The following KHDC4 variants were observed in gnomAD, a reference collection of about 807,000 sequenced individuals.
The protein encoded by KHDC4 is KH domain containing 4, pre-mRNA splicing factor.
KHDC4 carries 19 observed loss-of-function variants against 74.5 expected under a neutral mutation model. The observed-to-expected ratio is 0.26, with a 90% CI of 0.18 to 0.37. The LOEUF is 0.37. KHDC4 is among the 10% of genes least tolerant of loss of function. The probability of loss-of-function intolerance (pLI) is 1.00; values close to 1 mark genes in which losing one functional copy is unlikely to be tolerated. For missense variants in KHDC4, 632 were observed against 754.1 expected, an observed-to-expected ratio of 0.84 and a Z score of 1.90; for synonymous variants, 253 against 266.1, an observed-to-expected ratio of 0.95 and a Z score of 0.48.
At chr1:155,933,876 G>A (rs1674196279) in intron 1 of KHDC4, 27 bp from the exon 2 acceptor site, 4 of 1,481,856 alleles carry the variant, frequency 2.7e-6, no homozygotes, top group Non-Finnish European at 3.6e-6. Context: ...GAAAACATTA[G>A]GCCCCAAAGC....
intron 2 of KHDC4, chr1:155,932,173 T>A (rs930127658): frequency 1.3e-5 from 2 of 152,170 alleles, no homozygotes; most frequent in Non-Finnish European, 2.9e-5. Context: ...CAGGCTGGAG[T>A]GCAATGGCAA....
intron 13 of KHDC4, chr1:155,915,669 G>C: frequency 2.0e-6 from 1 of 493,114 alleles, no homozygotes; most frequent in African/African-American, 2.0e-5. Context: ...CACCATGCCC[G>C]CTAGTTTTTG....
chr1:155,913,222 C>T lies in KHDC4; in HGVS notation c.*899G>A, dbSNP rs1673666678. 6.5e-6 allele frequency: 1 copy of T among 152,716 alleles called. No homozygotes were observed. Among genetic ancestry groups the T allele is most frequent in the African/African-American group, 2.4e-5 (1 of 41,432 alleles). The allele number at this position is 152,716 out of a possible 1,614,324, so 9.5% of individuals were successfully genotyped here. On this transcript the variant is annotated 3_prime_UTR_variant, in exon 14 of 14. Coordinates refer to ENST00000368321, the MANE Select transcript of KHDC4 (RefSeq NM_014949.4). ...GACTAGCTCCTTCACTTTCACACAT[C>T]AATATTTGATACAAAAAGTTATTTT... is the stretch of plus-strand genomic sequence containing the variant.
chr1:155,932,968 AGGTTCT>A (rs1315285536), intron 2 of KHDC4, among the ~76,000 whole-genome samples: 1 of 152,166 alleles, frequency 6.6e-6, no homozygotes, highest in Non-Finnish European at 1.5e-5. Flanking sequence ...AAAACCCTAC[AGGTTCT>A]AATTAGAGAT....
chr1:155,924,574 CT>C (rs550965042), intron 7 of KHDC4, among the ~76,000 whole-genome samples: 1,363 of 132,250 alleles, frequency 0.01, 2 homozygotes, highest in Non-Finnish European at 0.012. Flanking sequence ...AATAATTTCT[CT>C]TTTTTTTTTT....
chr1:155,923,811 G>C, intron 7 of KHDC4, 124 bp from the exon 8 acceptor site: 1 of 670,126 alleles, frequency 1.5e-6, no homozygotes, highest in Non-Finnish European at 2.6e-6. Context: ...TCAAATCTAG[G>C]CCTCTGAAAA....
At chr1:155,924,417 T>C (rs1673937271) in intron 7 of KHDC4, among the ~76,000 whole-genome samples, 1 of 151,644 alleles carries the variant, frequency 6.6e-6, no homozygotes, top group Admixed American at 6.6e-5. Flanking sequence ...TTTCACTGTA[T>C]TAGCCAGGAT....
At chr1:155,917,758 T>C in intron 10 of KHDC4, 86 bp from the exon 11 acceptor site, 1 of 1,109,666 alleles carries the variant, frequency 9.0e-7, no homozygotes, top group Non-Finnish European at 1.3e-6. Context: ...ACTTTAAGGA[T>C]CAATAAGTAT....
chr1:155,934,240 T>C, intron 1 of KHDC4, 96 bp downstream of exon 1: 1 of 1,312,260 alleles, frequency 7.6e-7, no homozygotes, highest in African/African-American at 1.4e-5. Context: ...ACTTCCCACT[T>C]AAGGACCCTT....
In KHDC4 at chr1:155,925,820, T is replaced by C. The variant is rs1040093618; in HGVS notation, c.705A>G (p.Leu235=). 1.9e-6 allele frequency: 3 copies of C among 1,613,440 alleles called. No homozygotes were observed. Among genetic ancestry groups the C allele is most frequent in the Non-Finnish European group, 2.5e-6 (3 of 1,179,446 alleles). Residue 235 remains leucine (L), a synonymous_variant, in exon 7 of 14, where the codon TTA becomes TTG. Transcript: ENST00000368321. ...QSGMHYVQDK[L]FVGLEHAVPT... is the part of the protein sequence containing the mutation. ...GTACAGCATGTTCTAGACCCACAAA[T>C]AATTTATCTTGAACATAATGCATCT...
At chr1:155,926,555 G>C in intron 6 of KHDC4, 121 bp downstream of exon 6, 1 of 1,093,760 alleles carries the variant, frequency 9.1e-7, no homozygotes, top group Non-Finnish European at 1.4e-6. Context: ...GACCTCAAAT[G>C]ATCCACCCAC....
chr1:155,919,808 C>A (rs1416268645), intron 10 of KHDC4: 1 of 162,894 alleles, frequency 6.1e-6, no homozygotes, highest in East Asian at 1.8e-4. Context: ...GAGATTCTGT[C>A]TCAAAAAATA....
In KHDC4 at chr1:155,925,808, T is replaced by C. The variant is rs139570320; in HGVS notation, c.717A>G (p.Leu239=). The C allele has an allele frequency of 6.2e-7, 1 of 1,613,950 alleles. No individual in the cohort carries two copies. The highest frequency in any genetic ancestry group is 1.3e-5 in the African/African-American group (1 of 74,944). The change falls in exon 7 of 14, where the codon CTA becomes CTG. Residue 239 remains leucine, a synonymous_variant. Transcript: ENST00000368321. ...HYVQDKLFVG[L]EHAVPTFNVK... ...CATTAAAAGTGGGTACAGCATGTTC[T>C]AGACCCACAAATAATTTATCTTGAA...
At chr1:155,916,571 T>A in intron 12 of KHDC4, 54 bp downstream of exon 12, 1 of 1,197,984 alleles carries the variant, frequency 8.3e-7, no homozygotes, top group South Asian at 1.2e-5. Context: ...TTACTCTCAC[T>A]AATGGTGCAA....
At chr1:155,929,236 A>C in intron 4 of KHDC4, 60 bp downstream of exon 4, 1 of 1,183,708 alleles carries the variant, frequency 8.4e-7, no homozygotes, top group Non-Finnish European at 1.3e-6. Context: ...GATAAAAAAC[A>C]TGAGGCTAAC....
intron 12 of KHDC4, 38 bp downstream of exon 12, chr1:155,916,587 T>G: frequency 7.3e-7 from 1 of 1,376,344 alleles, no homozygotes. Context: ...TGCAAACAAA[T>G]AACATCTGAA....
At chr1:155,927,002 A>G (rs1557970245) in intron 5 of KHDC4, 102 bp downstream of exon 5, 2 of 1,337,058 alleles carry the variant, frequency 1.5e-6, no homozygotes, top group Non-Finnish European at 2.1e-6. Context: ...TTCATGAACA[A>G]GGGTTAGAAC....
intron 2 of KHDC4, 161 bp downstream of exon 2, chr1:155,933,472 G>A (rs1305780275): frequency 3.8e-6 from 2 of 525,132 alleles, no homozygotes; most frequent in Non-Finnish European, 6.8e-6. Context: ...TTTCAGTAGA[G>A]ACGGGGTTTC....
At chr1:155,929,128 A>C (rs1435216736) in intron 4 of KHDC4, among the ~76,000 whole-genome samples, 168 bp downstream of exon 4, 1 of 152,192 alleles carries the variant, frequency 6.6e-6, no homozygotes, top group Non-Finnish European at 1.5e-5. Flanking sequence ...ACAGGTCCCA[A>C]CATCTTGTAT....
Sources: gnomAD v4.1 joint callset for allele counts (sites outside exome capture counted in the v4.1 genomes callset) on GRCh38, gnomAD v4.1.1 for gene constraint, MANE v1.5 for transcripts, NCBI Gene and HGNC (gene_info 2026-07-23, HGNC 2026-07-21) for gene names.